The following COA7 variants were observed in gnomAD, a reference collection of about 807,000 sequenced individuals.
COA7 encodes cytochrome c oxidase assembly factor 7.
A neutral mutation model predicts 21.0 loss-of-function variants in COA7; 12 were observed. The ratio of observed to expected loss-of-function variants is 0.57; its 90% CI spans 0.37 to 0.92. COA7 has a LOEUF of 0.92. Ranked by LOEUF, COA7 falls within the 40% of genes least tolerant of loss-of-function variation. COA7 has a pLI of 0.01. For missense variants in COA7, 240 were observed against 286.1 expected, an observed-to-expected ratio of 0.84 and a Z score of 1.16; for synonymous variants, 95 against 107.4, an observed-to-expected ratio of 0.88 and a Z score of 0.72.
At position 52,684,993 on chromosome 1, in the gene COA7, C is replaced by T. The variant is rs912176059; in HGVS notation, c.*2727G>A. 3 of 152,200 alleles carry T rather than the reference C, an allele frequency of 2.0e-5. No homozygotes were observed. Among genetic ancestry groups the T allele is most frequent in the African/African-American group, 4.8e-5 (2 of 41,436 alleles). The allele number at this position is 152,200 out of a possible 1,614,324, so 9.4% of individuals were successfully genotyped here. On this transcript the variant is annotated 3_prime_UTR_variant, in exon 3 of 3. Transcript: ENST00000371538. ...TGATTTAAGCACTGAATAATGACTA[C>T]ATGCACCACAATTTATTTACCCATT... is the stretch of plus-strand genomic sequence containing the variant.
At chr1:52,690,293 A>C (rs938928668) in intron 2 of COA7, among the ~76,000 whole-genome samples, 15 of 152,078 alleles carry the variant, frequency 9.9e-5, no homozygotes, top group African/African-American at 3.6e-4. Flanking sequence ...AAAAAATATA[A>C]ACATTTTAAC....
chr1:52,693,553 C>T (rs929763499), intron 1 of COA7, among the ~76,000 whole-genome samples: 3 of 150,410 alleles, frequency 2.0e-5, no homozygotes, highest in Admixed American at 2.0e-4. Context: ...TTGCGGCGGG[C>T]CGAGATCACG....
At chr1:52,688,280 G>A in intron 2 of COA7, 112 bp from the exon 3 acceptor site, 1 of 836,690 alleles carries the variant, frequency 1.2e-6, no homozygotes, top group Non-Finnish European at 1.8e-6. Context: ...GTCTTGCTTT[G>A]TTAACCAGGC....
rs1453318213 is a variant in COA7 at position 52,684,996 on chromosome 1, G to A, written c.*2724C>T. On this transcript the variant is annotated 3_prime_UTR_variant, in exon 3 of 3. Coordinates refer to ENST00000371538, the MANE Select transcript of COA7 (RefSeq NM_023077.3). ...TTTAAGCACTGAATAATGACTACAT[G>A]CACCACAATTTATTTACCCATTTAC... The A allele has an allele frequency of 6.6e-6, 1 of 152,162 alleles. No individual in the cohort carries two copies. The highest frequency in any genetic ancestry group is 2.4e-5 in the African/African-American group (1 of 41,438). The allele number at this position is 152,162 out of a possible 1,614,324, so 9.4% of individuals were successfully genotyped here. A position where few individuals can be genotyped will look rare whatever the true frequency, so the allele number is the denominator to read the frequency against.
In COA7 at chr1:52,692,915, C is replaced by T. The variant is rs75029633; in HGVS notation, c.107-48G>A. On this transcript the variant is annotated intron_variant, in intron 1 of 2. Coordinates refer to ENST00000371538, the MANE Select transcript of COA7 (RefSeq NM_023077.3). ...GTTCTTCATGTCTGGGGCTGCTGCTCGCAGTGGGGACTTGGGGGTAGGGGG... is the reference window on the plus strand; with the variant it reads ...GTTCTTCATGTCTGGGGCTGCTGCTTGCAGTGGGGACTTGGGGGTAGGGGG... 4,188 of 1,609,328 alleles carry T rather than the reference C, an allele frequency of 2.6e-3. 82 individuals are homozygous for T. In the African/African-American group the frequency reaches 0.048, roughly 19 times the overall value.
chr1:52,689,759 C>T (rs186168514), intron 2 of COA7, among the ~76,000 whole-genome samples: 2 of 151,910 alleles, frequency 1.3e-5, no homozygotes, highest in East Asian at 3.9e-4. Flanking sequence ...GGCGCGGTGG[C>T]TTACGCCTGT....
chr1:52,695,183 A>C (rs1438305137), intron 1 of COA7, among the ~76,000 whole-genome samples: 1 of 151,682 alleles, frequency 6.6e-6, no homozygotes. Flanking sequence ...AATTCCAGCT[A>C]CTTGGGAGGC....
In COA7 at chr1:52,685,192, T is replaced by A. The variant is rs1328578726; in HGVS notation, c.*2528A>T. The A allele has an allele frequency of 6.6e-6, 1 of 152,232 alleles. No homozygotes were observed. The highest frequency in any genetic ancestry group is 1.5e-5 in the Non-Finnish European group (1 of 68,038). The allele number at this position is 152,232 out of a possible 1,614,324, so 9.4% of individuals were successfully genotyped here. A position where few individuals can be genotyped will look rare whatever the true frequency, so the allele number is the denominator to read the frequency against. Reference sequence around the variant, plus strand: ...TTACCTAGTTTTTGTAAGAAACTGCTTAACTGTCTTCCAAAGTGGCTGTGC... The same window carrying A: ...TTACCTAGTTTTTGTAAGAAACTGCATAACTGTCTTCCAAAGTGGCTGTGC... On this transcript the variant is annotated 3_prime_UTR_variant, in exon 3 of 3. Coordinates refer to ENST00000371538, the MANE Select transcript of COA7 (RefSeq NM_023077.3).
chr1:52,697,344 T>A (rs1034601120), intron 1 of COA7, among the ~76,000 whole-genome samples: 1 of 152,180 alleles, frequency 6.6e-6, no homozygotes, highest in African/African-American at 2.4e-5. Context: ...CCTATACTCT[T>A]AAGTCAATTC....
In COA7 at chr1:52,686,825, T is replaced by C. The variant is rs1057287664; in HGVS notation, c.*895A>G. 7 of 152,152 alleles carry C rather than the reference T, an allele frequency of 4.6e-5. No homozygotes were observed. Among genetic ancestry groups the C allele is most frequent in the African/African-American group, 1.4e-4 (6 of 41,440 alleles). The allele number at this position is 152,152 out of a possible 1,614,324, so 9.4% of individuals were successfully genotyped here. On this transcript the variant is annotated 3_prime_UTR_variant, in exon 3 of 3. Transcript: ENST00000371538. Reference sequence around the variant, plus strand: ...CCTGGAATCTGGAAAGAACACTAATTAACACAAACCGTAGGTCACTCAAAA... The same window carrying C: ...CCTGGAATCTGGAAAGAACACTAATCAACACAAACCGTAGGTCACTCAAAA...
chr1:52,688,983 C>T (rs1031910682), intron 2 of COA7, among the ~76,000 whole-genome samples: 1 of 151,826 alleles, frequency 6.6e-6, no homozygotes, highest in East Asian at 1.9e-4. Flanking sequence ...GAAAAAATAA[C>T]AATACAATTA....
rs535378396 is a variant in COA7, at chr1:52,685,382, A to G, written c.*2338T>C. The G allele has an allele frequency of 6.6e-6, 1 of 152,266 alleles. No individual in the cohort carries two copies. Among genetic ancestry groups the G allele is most frequent in the South Asian group, 2.1e-4 (1 of 4,818 alleles). 9.4% of individuals were successfully genotyped at this position (152,266 alleles called of 1,614,324 possible). ...GACATGTTATATGGAACATCTTTTC[A>G]TATGCTTATTTGCCACCTGTCTATC... On this transcript the variant is annotated 3_prime_UTR_variant, in exon 3 of 3. Transcript: ENST00000371538.
chr1:52,688,091 C>G lies in COA7; in HGVS notation c.325G>C (p.Ala109Pro), dbSNP rs1462980211. The G allele has an allele frequency of 6.2e-7, 1 of 1,614,124 alleles. No individual in the cohort carries two copies. The highest frequency in any genetic ancestry group is 1.3e-5 in the African/African-American group (1 of 75,018). Reference protein sequence around the residue: ...ACEKPGKKSIAACHNVGLLAH... With the variant: ...ACEKPGKKSIPACHNVGLLAH... ...AGGAGGCCAACGTTGTGACATGCTG[C>G]TATTGACTTCTTTCCAGGCTTCTCA... Residue 109 changes from alanine (A) to proline (P), a missense_variant, in exon 3 of 3, where the codon GCA becomes CCA. By Grantham distance (27) the Ala-to-Pro change is conservative. This residue lies in a region of COA7 where 163 missense variants were observed against 214.1 expected (regional missense o/e 0.76). Transcript: ENST00000371538.
chr1:52,686,266 C>T lies in COA7; in HGVS notation c.*1454G>A, dbSNP rs1324614996. ...GTGCACTTGGGGAAGTCCCTGTCCT[C>T]TATCAACTTGAGAGGCTGGCTGCTG... On this transcript the variant is annotated 3_prime_UTR_variant, in exon 3 of 3. Transcript: ENST00000371538. 6.6e-6 allele frequency: 1 copy of T among 152,178 alleles called. No homozygotes were observed. 9.4% of individuals were successfully genotyped at this position (152,178 alleles called of 1,614,324 possible). A position where few individuals can be genotyped will look rare whatever the true frequency, so the allele number is the denominator to read the frequency against.
intron 2 of COA7, among the ~76,000 whole-genome samples, chr1:52,690,040 G>GAAAAAAAAAAAAAAAAAAA (rs756064845): frequency 1.5e-5 from 1 of 67,246 alleles, no homozygotes; most frequent in African/African-American, 4.3e-5. Flanking sequence ...AAAAAAAAAA[G>GAAAAAAAAAAAAAAAAAAA]AAAAAAAAAA....
chr1:52,688,231 C>A, intron 2 of COA7, 63 bp from the exon 3 acceptor site: 1 of 1,369,630 alleles, frequency 7.3e-7, no homozygotes, highest in Non-Finnish European at 9.8e-7. Context: ...ATGTCTCAGG[C>A]CAAAGTCAGT....
intron 2 of COA7, among the ~76,000 whole-genome samples, chr1:52,692,431 C>A (rs1390312974): frequency 6.6e-6 from 1 of 152,204 alleles, no homozygotes; most frequent in African/African-American, 2.4e-5. Flanking sequence ...TAATCCTCAC[C>A]ACCCTACAAA....
At chr1:52,688,195 T>A in intron 2 of COA7, 27 bp from the exon 3 acceptor site, 2 of 1,581,648 alleles carry the variant, frequency 1.3e-6, no homozygotes. Flanking sequence ...TAGGAAAAAA[T>A]AAACCCAAGC....
Position 52,686,465 on chromosome 1 carries a change from TGAGACG to T in COA7, c.*1249_*1254del, listed in dbSNP as rs913028518. ...GAAAAAGCAAATTTTTTTTTTTTTT[TGAGACG>T]GAGTCTCACTCTATCGCCCAGGCTG... On this transcript the variant is annotated 3_prime_UTR_variant, in exon 3 of 3. Coordinates refer to ENST00000371538, the MANE Select transcript of COA7 (RefSeq NM_023077.3). The T allele has an allele frequency of 2.0e-5, 3 of 152,062 alleles. No homozygotes were observed. Among genetic ancestry groups the T allele is most frequent in the African/African-American group, 7.2e-5 (3 of 41,500 alleles). The allele number at this position is 152,062 out of a possible 1,614,324, so 9.4% of individuals were successfully genotyped here.
Sources: gnomAD v4.1 joint callset for allele counts (sites outside exome capture counted in the v4.1 genomes callset) on GRCh38, gnomAD v4.1.1 for gene constraint, gnomAD v4.1.1 regional missense constraint, MANE v1.5 for transcripts, NCBI Gene and HGNC (gene_info 2026-07-23, HGNC 2026-07-21) for gene names.